MTSS1: variants seen among roughly 807,000 people sequenced by gnomAD.
MTSS1 encodes protein MTSS 1.
MTSS1 carries 18 observed loss-of-function variants against 79.0 expected under a neutral mutation model. The ratio of observed to expected loss-of-function variants is 0.23; its 90% CI spans 0.16 to 0.34. The LOEUF (loss-of-function observed/expected upper bound fraction) is 0.34, where lower values mean the gene tolerates loss of function less well. MTSS1 is among the 10% of genes least tolerant of loss of function. MTSS1 has a pLI of 1.00. For synonymous variants in MTSS1, 341 were observed against 368.6 expected, an observed-to-expected ratio of 0.93 and a Z score of 0.86; for missense variants, 815 against 986.2, an observed-to-expected ratio of 0.83 and a Z score of 2.33.
At chr8:124,670,811 C>T (rs188705680) in intron 3 of MTSS1, among the ~76,000 whole-genome samples, 43 of 152,162 alleles carry the variant, frequency 2.8e-4, no homozygotes, top group African/African-American at 5.8e-4. Context: ...GTCCAGAGAC[C>T]GCAGATTAAA....
chr8:124,596,179 T>C (rs1332311373), intron 3 of MTSS1, among the ~76,000 whole-genome samples: 1 of 152,218 alleles, frequency 6.6e-6, no homozygotes, highest in African/African-American at 2.4e-5. Context: ...TTTGCAAGCA[T>C]ATTCATTTTC....
At chr8:124,608,807 A>T (rs9771920) in intron 3 of MTSS1, among the ~76,000 whole-genome samples, 31,257 of 152,048 alleles carry the variant, frequency 0.21, 3,840 homozygotes, top group African/African-American at 0.34. Context: ...GATTGGCTAG[A>T]TCAGCTAGTA....
At chr8:124,719,085 CGAGA>C (rs1382250469) in intron 1 of MTSS1, among the ~76,000 whole-genome samples, 3 of 152,114 alleles carry the variant, frequency 2.0e-5, no homozygotes, top group Non-Finnish European at 4.4e-5. Flanking sequence ...GCTGCAAAAG[CGAGA>C]GAGAGCCCAG....
intron 10 of MTSS1, chr8:124,558,083 C>T (rs1025951499): frequency 7.7e-6 from 4 of 517,084 alleles, no homozygotes; most frequent in Non-Finnish European, 1.4e-5. Flanking sequence ...AGTTTGACAG[C>T]AAATAAGCAT....
At chr8:124,651,947 T>A (rs1200658101) in intron 3 of MTSS1, among the ~76,000 whole-genome samples, 1 of 152,140 alleles carries the variant, frequency 6.6e-6, no homozygotes, top group Non-Finnish European at 1.5e-5. Context: ...AAAGCCCGGT[T>A]GTGTCAATTT....
At chr8:124,705,184 C>A (rs1830218258) in intron 1 of MTSS1, among the ~76,000 whole-genome samples, 1 of 152,292 alleles carries the variant, frequency 6.6e-6, no homozygotes, top group African/African-American at 2.4e-5. Context: ...AAGTACAGAA[C>A]TAAGGGCCGG....
rs1826261451 is a variant in MTSS1, at chr8:124,565,730, G to A, written c.756C>T (p.Tyr252=). Residue 252 remains tyrosine, a synonymous_variant, in exon 9 of 14, where the codon TAC becomes TAT. Transcript: ENST00000518547. ...QVILDLKGSD[Y]SWSYQTPPSS... ...AGGGTGGCGTCTGATACGACCAGCT[G>A]TAATCAGAACCTTTCAAGTCCAGAA... The A allele has an allele frequency of 1.2e-6, 2 of 1,614,078 alleles. No homozygotes were observed. The highest frequency in any genetic ancestry group is 1.7e-6 in the Non-Finnish European group (2 of 1,180,000).
chr8:124,663,444 C>A (rs888844347), intron 3 of MTSS1, among the ~76,000 whole-genome samples: 2 of 152,122 alleles, frequency 1.3e-5, no homozygotes, highest in African/African-American at 4.8e-5. Flanking sequence ...AAATCGGAAG[C>A]CTCTGAGGCC....
At chr8:124,625,219 C>G (rs1814428583) in intron 3 of MTSS1, among the ~76,000 whole-genome samples, 1 of 152,166 alleles carries the variant, frequency 6.6e-6, no homozygotes, top group South Asian at 2.1e-4. Flanking sequence ...GGAAAGGACA[C>G]TTGATCTCTC....
chr8:124,560,583 C>G (rs886322780), intron 10 of MTSS1, among the ~76,000 whole-genome samples: 1 of 151,986 alleles, frequency 6.6e-6, no homozygotes, highest in African/African-American at 2.4e-5. Context: ...TCCAGGAGTT[C>G]AAGGTTACAG....
chr8:124,591,927 C>T (rs867250368), intron 3 of MTSS1, among the ~76,000 whole-genome samples: 5 of 151,192 alleles, frequency 3.3e-5, no homozygotes, highest in African/African-American at 9.7e-5. Flanking sequence ...ATTACAGGCA[C>T]GTGCCACCAC....
At chr8:124,556,112 G>C (rs773064393) in intron 12 of MTSS1, 120 bp downstream of exon 12, 2 of 1,562,416 alleles carry the variant, frequency 1.3e-6, no homozygotes, top group African/African-American at 2.7e-5. Flanking sequence ...AGGAAGTCAG[G>C]GAATGGAGCC....
At chr8:124,565,871 G>A in intron 8 of MTSS1, 112 bp from the exon 9 acceptor site, 2 of 845,194 alleles carry the variant, frequency 2.4e-6, no homozygotes, top group Non-Finnish European at 3.6e-6. Context: ...GGGTGGGAAT[G>A]AAAGCAAAAC....
At chr8:124,667,213 G>C (rs1823265876) in intron 3 of MTSS1, among the ~76,000 whole-genome samples, 1 of 152,162 alleles carries the variant, frequency 6.6e-6, no homozygotes, top group Non-Finnish European at 1.5e-5. Flanking sequence ...CTCACCAGGG[G>C]ACCAGGCCTG....
intron 3 of MTSS1, among the ~76,000 whole-genome samples, chr8:124,692,812 G>A (rs1828176068): frequency 6.6e-6 from 1 of 152,120 alleles, no homozygotes; most frequent in Admixed American, 6.5e-5. Context: ...CTGCATAAAA[G>A]TGGAAGCTAC....
Position 124,713,667 on chromosome 8 carries a change from G to A in MTSS1, c.73-9476C>T, listed in dbSNP as rs565336177. On this transcript the variant is annotated intron_variant, in intron 1 of 13. Coordinates refer to ENST00000518547, the MANE Select transcript of MTSS1 (RefSeq NM_014751.6). ...TCGAACTCCTGACCTCAGATGATCT[G>A]CCCGCCTCAGCCTCCCAAAGAGCTG... is the stretch of plus-strand genomic sequence containing the variant. 5.9e-5 allele frequency among the ~76,000 whole-genome samples: 9 copies of A among 151,918 alleles called. No individual in the cohort carries two copies. The South Asian group carries it at 1.9e-3, about 32-fold the overall frequency.
intron 2 of MTSS1, among the ~76,000 whole-genome samples, chr8:124,702,650 C>A (rs749188206): frequency 6.6e-6 from 1 of 152,128 alleles, no homozygotes; most frequent in Non-Finnish European, 1.5e-5. Flanking sequence ...TGTCCACAGG[C>A]AAAGGCCCGA....
At chr8:124,674,099 A>C (rs901613796) in intron 3 of MTSS1, among the ~76,000 whole-genome samples, 6 of 152,056 alleles carry the variant, frequency 3.9e-5, no homozygotes, top group African/African-American at 9.7e-5. Context: ...AATGAACCAG[A>C]CTGTCTAAGG....
At chr8:124,721,970 A>G (rs1587999535) in intron 1 of MTSS1, among the ~76,000 whole-genome samples, 1 of 152,142 alleles carries the variant, frequency 6.6e-6, no homozygotes, top group Non-Finnish European at 1.5e-5. Context: ...CCCCTGTCGC[A>G]TAGTAGGCAG....
Sources: allele counts gnomAD v4.1 joint callset (sites outside exome capture counted in the v4.1 genomes callset), GRCh38; gene constraint gnomAD v4.1.1; transcripts MANE v1.5; gene names NCBI Gene and HGNC (gene_info 2026-07-23, HGNC 2026-07-21).